Variants in CSNK2A1 observed in about 807,000 individuals in gnomAD.
CSNK2A1 encodes casein kinase 2 alpha 1.
CSNK2A1 carries 10 observed loss-of-function variants against 62.9 expected under a neutral mutation model. That is an observed-to-expected ratio of 0.16 (90% CI 0.10 to 0.27). The LOEUF (loss-of-function observed/expected upper bound fraction) is 0.27. Ranked by LOEUF, CSNK2A1 falls within the 10% of genes least tolerant of loss-of-function variation. The probability of loss-of-function intolerance (pLI) is 1.00; values close to 1 mark genes in which losing one functional copy is unlikely to be tolerated. For synonymous variants in CSNK2A1, 124 were observed against 167.8 expected (o/e 0.74, Z 2.02); for missense variants, 160 against 492.0 (o/e 0.33, Z 6.38).
At chr20:532,842 T>C (rs2019241330) in intron 1 of CSNK2A1, among the ~76,000 whole-genome samples, 1 of 152,140 alleles carries the variant, frequency 6.6e-6, no homozygotes, top group Non-Finnish European at 1.5e-5. Context: ...TGGAAGATCA[T>C]CTATTTGGAG....
chr20:493,203 T>C (rs1340643977), intron 8 of CSNK2A1, among the ~76,000 whole-genome samples: 2 of 152,288 alleles, frequency 1.3e-5, no homozygotes, highest in East Asian at 1.9e-4. Context: ...GGATTCTTGA[T>C]TCCCTCAGAC....
chr20:540,843 G>A (rs1343360516), intron 1 of CSNK2A1: 1 of 152,228 alleles, frequency 6.6e-6, no homozygotes, highest in East Asian at 1.9e-4. Context: ...TTGTAGGTCA[G>A]AAGTTGGGTG....
rs1360558000 is a variant in CSNK2A1, at chr20:496,069, C to T, written c.427-267G>A. On this transcript the variant is annotated intron_variant, in intron 7 of 13. Coordinates refer to ENST00000217244, the MANE Select transcript of CSNK2A1 (RefSeq NM_177559.3). ...AAAGACCCAAAGTATACCCAAATTGCACCACTTCAAATTTTTCTGTCTTGT... is the reference window on the plus strand; with the variant it reads ...AAAGACCCAAAGTATACCCAAATTGTACCACTTCAAATTTTTCTGTCTTGT... 3.0e-5 allele frequency: 11 copies of T among 372,418 alleles called. No individual in the cohort carries two copies. The Admixed American group carries it at 3.9e-4, about 13-fold the overall frequency. 23.1% of individuals were successfully genotyped at this position (372,418 alleles called of 1,614,324 possible). A position where few individuals can be genotyped will look rare whatever the true frequency, so the allele number is the denominator to read the frequency against.
In CSNK2A1 at chr20:499,924, T is replaced by C. The variant is rs1299574584; in HGVS notation, c.224A>G (p.Lys75Arg). The C allele has an allele frequency of 6.2e-7, 1 of 1,612,394 alleles. No homozygotes were observed. The highest frequency in any genetic ancestry group is 8.5e-7 in the Non-Finnish European group (1 of 1,179,544). ...VVVKILKPVK[K>R]KKIKREIKIL... ...CTTTATTTCACGCTTAATTTTCTTC[T>C]TTTTTACTGGCTGAAAGGGGAAAAG... The change falls in exon 5 of 14, where the codon AAG (lysine) becomes AGG (arginine). Residue 75 changes from lysine (K) to arginine (R), a missense_variant. Coordinates refer to ENST00000217244, the MANE Select transcript of CSNK2A1 (RefSeq NM_177559.3). The surrounding 1 kb of genome is among the most constrained non-coding windows in gnomAD (Gnocchi z 4.2).
At chr20:512,386 T>C (rs2018740908) in intron 2 of CSNK2A1, among the ~76,000 whole-genome samples, 1 of 152,204 alleles carries the variant, frequency 6.6e-6, no homozygotes, top group Non-Finnish European at 1.5e-5. Flanking sequence ...CATTTTTTGA[T>C]TGGGTTGTTT....
rs77446215 is a variant in CSNK2A1, at chr20:527,701, T to C, written c.-110+232A>G. On this transcript the variant is annotated intron_variant, in intron 2 of 13. Coordinates refer to ENST00000217244, the MANE Select transcript of CSNK2A1 (RefSeq NM_177559.3). ...GATTATGAATTCAAGTACTTGGACT[T>C]TGATTTATTTCTCTTGGTGGATGCC... Among the ~76,000 whole-genome samples, 43 of 151,230 alleles carry C rather than the reference T, an allele frequency of 2.8e-4. No homozygotes were observed. In the East Asian group the frequency reaches 8.6e-3, roughly 30 times the overall value.
chr20:504,344 A>G (rs1328634692), intron 4 of CSNK2A1: 1 of 152,200 alleles, frequency 6.6e-6, no homozygotes, highest in Non-Finnish European at 1.5e-5. Flanking sequence ...TCTACTTTTC[A>G]GTGTCAAATA....
At position 475,830 on chromosome 20, in the gene CSNK2A1, G is replaced by A. The variant is rs1429934312; in HGVS notation, c.*8131C>T. ...GATTCATGAGAAGAGCACGCCCTGA[G>A]TAGCTGCTGCAACTTCTGCCACATT... On this transcript the variant is annotated 3_prime_UTR_variant, in exon 14 of 14. Transcript: ENST00000217244. 2 of 152,136 alleles carry A rather than the reference G, an allele frequency of 1.3e-5. No individual in the cohort carries two copies. Among genetic ancestry groups the A allele is most frequent in the Non-Finnish European group, 2.9e-5 (2 of 68,038 alleles). The allele number at this position is 152,136 out of a possible 1,614,324, so 9.4% of individuals were successfully genotyped here.
intron 1 of CSNK2A1, among the ~76,000 whole-genome samples, chr20:529,922 T>C (rs879770374): frequency 6.6e-6 from 1 of 152,212 alleles, no homozygotes; most frequent in Non-Finnish European, 1.5e-5. Context: ...TTCCCACAGA[T>C]GGCTGGGAAC....
chr20:477,813 G>A lies in CSNK2A1; in HGVS notation c.*6148C>T, dbSNP rs1297648695. On this transcript the variant is annotated 3_prime_UTR_variant, in exon 14 of 14. Transcript: ENST00000217244. ...TCGAGACCAGCCTGACCAACATGGA[G>A]AAACCCCGTCTCTACTAAAAATACA... The A allele has an allele frequency of 6.6e-6, 1 of 152,236 alleles. No homozygotes were observed. Among genetic ancestry groups the A allele is most frequent in the Non-Finnish European group, 1.5e-5 (1 of 68,094 alleles). The allele number at this position is 152,236 out of a possible 1,614,324, so 9.4% of individuals were successfully genotyped here. A position where few individuals can be genotyped will look rare whatever the true frequency, so the allele number is the denominator to read the frequency against.
Position 542,787 on chromosome 20 carries a change from T to G in CSNK2A1, c.-227+885A>C, listed in dbSNP as rs559696460. 4.6e-5 allele frequency among the ~76,000 whole-genome samples: 7 copies of G among 152,360 alleles called. No individual in the cohort carries two copies. The South Asian group carries it at 1.4e-3, about 32-fold the overall frequency. On this transcript the variant is annotated intron_variant, in intron 1 of 13. Coordinates refer to ENST00000217244, the MANE Select transcript of CSNK2A1 (RefSeq NM_177559.3). ...TCCCATTCTCGTAGAATTAAACAGC[T>G]GAAAAGTAATCAAGTCTTCCCAAAT...
At chr20:503,510 T>C (rs1034907011) in intron 4 of CSNK2A1, 4 of 398,548 alleles carry the variant, frequency 1.0e-5, no homozygotes, top group Non-Finnish European at 1.8e-5. Context: ...CTTTACATTT[T>C]TGAGGAAGAC....
At chr20:484,694 T>TGTG (rs573370751) in intron 13 of CSNK2A1, among the ~76,000 whole-genome samples, 104 of 147,712 alleles carry the variant, frequency 7.0e-4, no homozygotes, top group African/African-American at 2.4e-3. Flanking sequence ...AATCATGTTT[T>TGTG]TGTGTGTGTG....
chr20:527,113 T>G (rs932704988), intron 2 of CSNK2A1, among the ~76,000 whole-genome samples: 4 of 151,500 alleles, frequency 2.6e-5, no homozygotes, highest in Non-Finnish European at 5.9e-5. Context: ...TTAGGGTAAA[T>G]GTCCAGTATC....
At chr20:516,606 C>G (rs975589315) in intron 2 of CSNK2A1, among the ~76,000 whole-genome samples, 10 of 152,208 alleles carry the variant, frequency 6.6e-5, no homozygotes, top group South Asian at 6.2e-4. Context: ...GTCCCTCCTT[C>G]TAATCTCTTA....
At chr20:534,337 G>T (rs977041450) in intron 1 of CSNK2A1, among the ~76,000 whole-genome samples, 2 of 152,154 alleles carry the variant, frequency 1.3e-5, no homozygotes, top group African/African-American at 4.8e-5. Context: ...CTTTAAATTT[G>T]GAGGCAAGGT....
At chr20:511,071 T>G (rs888363624) in intron 2 of CSNK2A1, among the ~76,000 whole-genome samples, 3 of 152,064 alleles carry the variant, frequency 2.0e-5, no homozygotes, top group African/African-American at 7.2e-5. Flanking sequence ...ACATAAACTT[T>G]ATGGCCAGGC....
intron 2 of CSNK2A1, among the ~76,000 whole-genome samples, chr20:523,875 A>C (rs1028769199): frequency 4.0e-5 from 6 of 149,106 alleles, no homozygotes; most frequent in Admixed American, 2.7e-4. Flanking sequence ...AAAAAAAAAA[A>C]AAAAAACTGT....
chr20:520,157 T>C (rs1422849869), intron 2 of CSNK2A1, among the ~76,000 whole-genome samples: 2 of 151,982 alleles, frequency 1.3e-5, no homozygotes, highest in African/African-American at 2.4e-5. Context: ...GAAAGTTGAA[T>C]TGGAATATGA....
Sources: allele counts gnomAD v4.1 joint callset (sites outside exome capture counted in the v4.1 genomes callset), GRCh38; gene constraint gnomAD v4.1.1; non-coding constraint Gnocchi (gnomAD v3.1); transcripts MANE v1.5; gene names NCBI Gene and HGNC (gene_info 2026-07-23, HGNC 2026-07-21).